Variants in GMDS observed in about 807,000 individuals in gnomAD.
GMDS encodes the protein GDP-mannose 4,6-dehydratase, also known as GDP-mannose 4,6 dehydratase.
Under a neutral mutation model 49.9 loss-of-function variants are expected in GMDS, and 20 were observed. The ratio of observed to expected loss-of-function variants is 0.40; its 90% CI spans 0.28 to 0.58. GMDS has a LOEUF of 0.58. Among genes scored for constraint, GMDS ranks in the 20% least tolerant of loss-of-function variants. The probability of loss-of-function intolerance (pLI) is 0.42; values close to 1 mark genes in which losing one functional copy is unlikely to be tolerated. For synonymous variants in GMDS, 177 were observed against 178.6 expected, an observed-to-expected ratio of 0.99 and a Z score of 0.07; for missense variants, 362 against 481.4, an observed-to-expected ratio of 0.75 and a Z score of 2.32.
At chr6:1,624,710 AAATC>A (rs1318856564) in intron 9 of GMDS, 170 bp from the exon 10 acceptor site, 9 of 608,712 alleles carry the variant, frequency 1.5e-5, no homozygotes, top group Middle Eastern at 4.4e-4. Context: ...TCGGCGCCGT[AAATC>A]ACTAGGTCGC....
chr6:1,633,148 C>A (rs756545090), intron 9 of GMDS, among the ~76,000 whole-genome samples: 1 of 152,142 alleles, frequency 6.6e-6, no homozygotes, highest in Non-Finnish European at 1.5e-5. Flanking sequence ...AAAAACGATT[C>A]TTTTCATTTC....
intron 7 of GMDS, among the ~76,000 whole-genome samples, chr6:1,829,810 C>G (rs1581231910): frequency 6.6e-6 from 1 of 152,148 alleles, no homozygotes; most frequent in Admixed American, 6.5e-5. Flanking sequence ...TCAAATATTC[C>G]AAGCCACTTT....
At chr6:2,209,982 A>T (rs183967926) in intron 1 of GMDS, among the ~76,000 whole-genome samples, 1 of 152,344 alleles carries the variant, frequency 6.6e-6, no homozygotes, top group African/African-American at 2.4e-5. Flanking sequence ...TAACATATAG[A>T]AAGGTGATAT....
intron 9 of GMDS, among the ~76,000 whole-genome samples, chr6:1,627,146 T>C (rs1045173192): frequency 6.6e-6 from 1 of 152,230 alleles, no homozygotes. Context: ...AGTAAGCTTA[T>C]GTTCCAATCA....
At chr6:1,889,504 G>A (rs1382183344) in intron 7 of GMDS, among the ~76,000 whole-genome samples, 5 of 152,046 alleles carry the variant, frequency 3.3e-5, no homozygotes, top group East Asian at 3.9e-4. Context: ...CCACGGCTTC[G>A]ACTACTCTTC....
chr6:1,788,457 T>C (rs1337318547), intron 7 of GMDS, among the ~76,000 whole-genome samples: 1 of 152,164 alleles, frequency 6.6e-6, no homozygotes, highest in Non-Finnish European at 1.5e-5. Flanking sequence ...TTTACTATCC[T>C]GGGGTTTCCT....
intron 4 of GMDS, among the ~76,000 whole-genome samples, chr6:2,074,987 T>C (rs1772241984): frequency 6.6e-6 from 1 of 152,248 alleles, no homozygotes. Flanking sequence ...TTCTCTATTC[T>C]GTTCCACTGT....
At chr6:2,238,328 A>G (rs1335105179) in intron 1 of GMDS, among the ~76,000 whole-genome samples, 1 of 152,118 alleles carries the variant, frequency 6.6e-6, no homozygotes, top group Non-Finnish European at 1.5e-5. Context: ...AGCTGCAGCG[A>G]GCTATGATTG....
At chr6:1,710,987 C>G (rs763857361) in intron 9 of GMDS, among the ~76,000 whole-genome samples, 16 of 152,188 alleles carry the variant, frequency 1.1e-4, no homozygotes, top group Non-Finnish European at 5.9e-5. Context: ...CCAAGCCAAG[C>G]AAAAACTTGG....
At chr6:1,877,312 T>C (rs941155381) in intron 7 of GMDS, among the ~76,000 whole-genome samples, 2 of 152,028 alleles carry the variant, frequency 1.3e-5, no homozygotes, top group Admixed American at 1.3e-4. Flanking sequence ...TAGATATCCA[T>C]TAAAAAGTGC....
chr6:2,049,236 T>A (rs1770214304), intron 4 of GMDS, among the ~76,000 whole-genome samples: 2 of 152,234 alleles, frequency 1.3e-5, no homozygotes. Context: ...CAGTAATTTA[T>A]CTATAGATTC....
Position 1,833,371 on chromosome 6 carries a change from T to C in GMDS, c.772-90785A>G, listed in dbSNP as rs550567901. On this transcript the variant is annotated intron_variant, in intron 7 of 10. Transcript: ENST00000380815. This position sits in a 1 kb window ranked among gnomAD's most constrained non-coding sequence, Gnocchi z 4.4. ...ATCTCGGAGGTGTCAGGATAAAACA[T>C]GAGAACAGCATCTGTCCTCAGAGAC... is the stretch of plus-strand genomic sequence containing the variant. Among the ~76,000 whole-genome samples the C allele has an allele frequency of 2.0e-5, 3 of 152,010 alleles. No homozygotes were observed. In the East Asian group the frequency reaches 5.8e-4, roughly 30 times the overall value.
intron 7 of GMDS, among the ~76,000 whole-genome samples, chr6:1,895,624 G>A (rs897745687): frequency 6.6e-6 from 1 of 152,162 alleles, no homozygotes; most frequent in Admixed American, 6.5e-5. Context: ...TTGAACAGAC[G>A]TGCTTTACAT....
intron 1 of GMDS, among the ~76,000 whole-genome samples, chr6:2,230,060 T>TCTCC (rs1561674904): frequency 2.2e-5 from 3 of 137,700 alleles, no homozygotes; most frequent in East Asian, 2.1e-4. Flanking sequence ...TGAAGACCCC[T>TCTCC]ATCCAGAGTC....
chr6:1,790,494 C>T (rs1287555887), intron 7 of GMDS, among the ~76,000 whole-genome samples: 2 of 152,158 alleles, frequency 1.3e-5, no homozygotes, highest in Admixed American at 6.5e-5. Flanking sequence ...CACCTAAACT[C>T]GTAGCTGCTG....
chr6:2,027,817 T>C (rs1423316741), intron 4 of GMDS, among the ~76,000 whole-genome samples: 1 of 152,204 alleles, frequency 6.6e-6, no homozygotes, highest in Non-Finnish European at 1.5e-5. Flanking sequence ...CAAAATGATC[T>C]GCAAAATTTG....
intron 7 of GMDS, among the ~76,000 whole-genome samples, chr6:1,894,382 T>G (rs1396961724): frequency 6.6e-6 from 1 of 152,228 alleles, no homozygotes; most frequent in Non-Finnish European, 1.5e-5. Context: ...ATGTTTTATA[T>G]TATAGGGGTA....
At chr6:1,650,873 C>T (rs899187680) in intron 9 of GMDS, among the ~76,000 whole-genome samples, 7 of 152,214 alleles carry the variant, frequency 4.6e-5, no homozygotes, top group South Asian at 4.1e-4. Flanking sequence ...AACCACTGTG[C>T]CCAGCCAATT....
At chr6:1,981,175 A>G (rs1765201881) in intron 4 of GMDS, among the ~76,000 whole-genome samples, 1 of 152,142 alleles carries the variant, frequency 6.6e-6, no homozygotes. Context: ...AGCAGAAGAC[A>G]AGAAATAACC....
Sources: gnomAD v4.1 joint callset for allele counts (sites outside exome capture counted in the v4.1 genomes callset) on GRCh38, gnomAD v4.1.1 for gene constraint, Gnocchi (gnomAD v3.1) non-coding constraint, MANE v1.5 for transcripts, NCBI Gene and HGNC (gene_info 2026-07-23, HGNC 2026-07-21) for gene names.